The following AFM variants were observed in gnomAD, a reference collection of about 807,000 sequenced individuals.
AFM encodes alpha-Alb.
In AFM, 82 loss-of-function variants were observed where a neutral mutation model predicts 68.7. The observed-to-expected ratio is 1.19, with a 90% CI of 1.00 to 1.43. AFM has a LOEUF of 1.43. AFM is among the 40% of genes most tolerant of loss of function. The pLI is 0.00. For missense variants in AFM, 772 were observed against 701.8 expected (o/e 1.10, Z -1.13); for synonymous variants, 250 against 234.2 (o/e 1.07, Z -0.61).
chr4:73,486,007 T>C lies in AFM; in HGVS notation c.416T>C (p.Phe139Ser). 2 of 1,614,076 alleles carry C rather than the reference T, an allele frequency of 1.2e-6. No homozygotes were observed. Among genetic ancestry groups the C allele is most frequent in the Non-Finnish European group, 1.7e-6 (2 of 1,179,982 alleles). ...TCTGATGTGGGATTTCTGCCTCCTT[T>C]CCCTACCCTGGATCCCGAAGAGAAA... is the stretch of plus-strand genomic sequence containing the variant. ...KKSDVGFLPP[F>S]PTLDPEEKCQ... Residue 139 changes from phenylalanine to serine, a missense_variant, in exon 4 of 15, where the codon TTC (phenylalanine) becomes TCC (serine). Transcript: ENST00000226355.
intron 12 of AFM, 56 bp from the exon 13 acceptor site, chr4:73,501,731 G>C (rs371320199): frequency 6.4e-7 from 1 of 1,550,632 alleles, no homozygotes; most frequent in Non-Finnish European, 8.7e-7. Flanking sequence ...TTTTGGAGTA[G>C]AGACGCTTCA....
At position 73,481,883 on chromosome 4, in the gene AFM, A is replaced by G. The variant is rs753179052; in HGVS notation, c.88+20A>G. The G allele has an allele frequency of 1.4e-5, 21 of 1,481,226 alleles. No homozygotes were observed. Among genetic ancestry groups the G allele is most frequent in the Non-Finnish European group, 1.5e-5 (16 of 1,070,812 alleles). The allele number at this position is 1,481,226 out of a possible 1,614,324, so 91.8% of individuals were successfully genotyped here. A position where few individuals can be genotyped will look rare whatever the true frequency, so the allele number is the denominator to read the frequency against. ...ATATAGGTAAGAAATTTACTTGTAT[A>G]TCAGCTAAAGCATGACCAGTTAGGA... On this transcript the variant is annotated intron_variant, in intron 1 of 14. Coordinates refer to ENST00000226355, the MANE Select transcript of AFM (RefSeq NM_001133.2).
In AFM at chr4:73,485,914, A is replaced by G. The variant is rs1313535649; in HGVS notation, c.323A>G (p.His108Arg). 1.2e-6 allele frequency: 2 copies of G among 1,614,146 alleles called. No homozygotes were observed. Among genetic ancestry groups the G allele is most frequent in the Non-Finnish European group, 1.7e-6 (2 of 1,179,998 alleles). ...GCTATGGAGGGGCTGCCACAAAAGC[A>G]TAATTTCTCACACTGCTGCAGTAAG... ...ICAMEGLPQKHNFSHCCSKVD... is the reference protein window; with the variant it reads ...ICAMEGLPQKRNFSHCCSKVD... The change falls in exon 4 of 15, where the codon CAT (histidine) becomes CGT (arginine). Residue 108 changes from histidine to arginine, a missense_variant. Transcript: ENST00000226355.
chr4:73,501,965 C>A, intron 13 of AFM, 46 bp downstream of exon 13: 1 of 1,597,584 alleles, frequency 6.3e-7, no homozygotes, highest in South Asian at 1.1e-5. Context: ...TTTTCCTGGT[C>A]AAATAAAATA....
rs772707726 is a variant in AFM at position 73,499,212 on chromosome 4, C to T, written c.1388C>T (p.Thr463Met). The T allele has an allele frequency of 1.2e-5, 19 of 1,611,410 alleles. No individual in the cohort carries two copies. The highest frequency in any genetic ancestry group is 4.5e-5 in the East Asian group (2 of 44,780). The part of the protein sequence containing the change: ...KMVTAFTTCC[T>M]LSEEFACVDN... ...GTGACAGCTTTCACTACTTGCTGTA[C>T]GCTAAGTGAAGAGTTTGCCTGTGTT... The change falls in exon 11 of 15, where the codon ACG becomes ATG. Residue 463 changes from threonine to methionine, a missense_variant. Transcript: ENST00000226355.
chr4:73,487,678 T>G, intron 5 of AFM, 46 bp from the exon 6 acceptor site: 73 of 1,272,404 alleles, frequency 5.7e-5, no homozygotes, highest in Middle Eastern at 2.0e-4. Context: ...AAGAGAATAG[T>G]GAGATTTTGC....
At chr4:73,487,582 T>C (rs1015930113) in intron 5 of AFM, 142 bp from the exon 6 acceptor site, 17 of 615,890 alleles carry the variant, frequency 2.8e-5, no homozygotes, top group African/African-American at 1.7e-4. Flanking sequence ...TCTTTTAATA[T>C]GTGTGTTTAC....
At chr4:73,496,082 C>T (rs1721245153) in intron 9 of AFM, among the ~76,000 whole-genome samples, 1 of 152,072 alleles carries the variant, frequency 6.6e-6, no homozygotes, top group South Asian at 2.1e-4. Flanking sequence ...GCTGTTGCCA[C>T]AAAGGGAGCG....
In AFM at chr4:73,497,728, G is replaced by A. The variant is rs1721296345; in HGVS notation, c.1268G>A (p.Gly423Glu). 11 of 1,605,596 alleles carry A rather than the reference G, an allele frequency of 6.9e-6. No homozygotes were observed. Among genetic ancestry groups the A allele is most frequent in the East Asian group, 6.8e-5 (3 of 44,266 alleles). ...QQECKHFQNL[G>E]KDGLKYHYLI... ...GAATGTAAACATTTCCAGAATTTGG[G>A]GAAGGATGGTTTGAAATACCAGTAT... The change falls in exon 10 of 15, where the codon GGG becomes GAG. Residue 423 changes from glycine to glutamate, a missense_variant. Physicochemically the swap from Gly to Glu is moderately conservative, Grantham distance 98 (BLOSUM62 -2). Transcript: ENST00000226355.
intron 7 of AFM, 36 bp from the exon 8 acceptor site, chr4:73,491,836 G>C (rs778140355): frequency 6.3e-7 from 1 of 1,580,134 alleles, no homozygotes; most frequent in African/African-American, 1.4e-5. Flanking sequence ...AACCCAGCCT[G>C]AAAGTAAAAT....
intron 12 of AFM, 120 bp from the exon 13 acceptor site, chr4:73,501,667 C>T (rs1295256174): frequency 1.8e-6 from 2 of 1,110,006 alleles, no homozygotes; most frequent in South Asian, 1.7e-5. Context: ...TGGTATATTT[C>T]AACTCTTTAC....
rs1721484190 is a variant in AFM, at chr4:73,503,999, T to G, written c.*164T>G. On this transcript the variant is annotated 3_prime_UTR_variant, in exon 15 of 15. Coordinates refer to ENST00000226355, the MANE Select transcript of AFM (RefSeq NM_001133.2). The stretch of plus-strand genomic sequence containing the variant: ...GCAATAAACACAACATTTTGTAAAG[T>G]TATTTTTCAGACCGATGTCATAAAT... 6.6e-6 allele frequency: 1 copy of G among 152,134 alleles called. No homozygotes were observed. Among genetic ancestry groups the G allele is most frequent in the African/African-American group, 2.4e-5 (1 of 41,444 alleles). 9.4% of individuals were successfully genotyped at this position (152,134 alleles called of 1,614,324 possible).
intron 10 of AFM, 103 bp downstream of exon 10, chr4:73,497,852 A>T: frequency 1.6e-6 from 1 of 607,708 alleles, no homozygotes; most frequent in Non-Finnish European, 2.7e-6. Context: ...GTTATGGCCG[A>T]TTCATAAACT....
intron 8 of AFM, chr4:73,495,068 C>T: frequency 3.2e-6 from 1 of 313,722 alleles, no homozygotes; most frequent in South Asian, 1.3e-4. Flanking sequence ...TCTACTAATT[C>T]TCTCTTCTCA....
intron 7 of AFM, 50 bp downstream of exon 7, chr4:73,488,809 A>T (rs748183533): frequency 3.8e-6 from 6 of 1,563,534 alleles, no homozygotes; most frequent in East Asian, 4.7e-5. Context: ...GGCAATTATC[A>T]TTTTTTTATT....
At chr4:73,497,798 C>T in intron 10 of AFM, 49 bp downstream of exon 10, 4 of 1,181,218 alleles carry the variant, frequency 3.4e-6, no homozygotes, top group Middle Eastern at 2.0e-4. Flanking sequence ...GAATTGAATA[C>T]ATAATCCCTC....
At chr4:73,489,979 A>G (rs1721025570) in intron 7 of AFM, among the ~76,000 whole-genome samples, 1 of 152,134 alleles carries the variant, frequency 6.6e-6, no homozygotes, top group African/African-American at 2.4e-5. Flanking sequence ...GTATCCCGGA[A>G]CTTAAAGTGA....
In AFM at chr4:73,487,052, A is replaced by C; in HGVS notation, c.568A>C (p.Lys190Gln). ...TVAVHFEEVAKSCCEEQNKVN... is the reference protein window; with the variant it reads ...TVAVHFEEVAQSCCEEQNKVN... ...TGCTGTTCATTTTGAGGAGGTGGCCAAATCATGTTGTGAAGAACAAAACAA... is the reference window on the plus strand; with the variant it reads ...TGCTGTTCATTTTGAGGAGGTGGCCCAATCATGTTGTGAAGAACAAAACAA... Residue 190 changes from lysine to glutamine, a missense_variant, in exon 5 of 15, where the codon AAA (lysine) becomes CAA (glutamine). By Grantham distance (53) the Lys-to-Gln change is moderately conservative (BLOSUM62 1). Transcript: ENST00000226355. 1 of 1,614,074 alleles carries C rather than the reference A, an allele frequency of 6.2e-7. No individual in the cohort carries two copies. The highest frequency in any genetic ancestry group is 1.1e-5 in the South Asian group (1 of 91,078).
intron 13 of AFM, 67 bp from the exon 14 acceptor site, chr4:73,502,983 A>C: frequency 7.2e-7 from 1 of 1,387,020 alleles, no homozygotes; most frequent in South Asian, 1.2e-5. Context: ...AAACATGCTT[A>C]TCTAAATTTA....
Sources: allele counts gnomAD v4.1 joint callset (sites outside exome capture counted in the v4.1 genomes callset), GRCh38; gene constraint gnomAD v4.1.1; transcripts MANE v1.5; gene names NCBI Gene and HGNC (gene_info 2026-07-23, HGNC 2026-07-21).